Variants in NLK observed in about 807,000 individuals in gnomAD.
NLK encodes the protein serine/threonine-protein kinase NLK.
A neutral mutation model predicts 59.0 loss-of-function variants in NLK; 11 were observed. That is an observed-to-expected ratio of 0.19 (90% confidence interval 0.12 to 0.31). NLK has a LOEUF of 0.31. Ranked by LOEUF, NLK falls within the 10% of genes least tolerant of loss-of-function variation. The probability of loss-of-function intolerance (pLI) is 1.00; values close to 1 mark genes in which losing one functional copy is unlikely to be tolerated. For synonymous variants in NLK, 235 were observed against 235.9 expected, an observed-to-expected ratio of 1.00 and a Z score of 0.03; for missense variants, 410 against 661.1, an observed-to-expected ratio of 0.62 and a Z score of 4.16.
chr17:28,076,085 T>A (rs1910153953), intron 1 of NLK, among the ~76,000 whole-genome samples: 1 of 152,254 alleles, frequency 6.6e-6, no homozygotes, highest in Non-Finnish European at 1.5e-5. Context: ...ACATTTGTGA[T>A]GGCTTTAGTG....
intron 2 of NLK, among the ~76,000 whole-genome samples, chr17:28,129,057 A>G (rs1254389246): frequency 1.3e-5 from 2 of 152,218 alleles, no homozygotes; most frequent in Non-Finnish European, 2.9e-5. Flanking sequence ...TATACACAAA[A>G]GACTTCACTC....
At chr17:28,145,029 C>A (rs959760087) in intron 3 of NLK, among the ~76,000 whole-genome samples, 2 of 152,122 alleles carry the variant, frequency 1.3e-5, no homozygotes, top group African/African-American at 4.8e-5. Flanking sequence ...CTATGCCTGT[C>A]ATTATTAAGT....
In NLK at chr17:28,194,609, GC is replaced by G. The variant is rs1172656515; in HGVS notation, c.1562del (p.Pro521HisfsTer12). The G allele has an allele frequency of 3.1e-6, 5 of 1,598,868 alleles. No individual in the cohort carries two copies. Among genetic ancestry groups the G allele is most frequent in the Non-Finnish European group, 4.3e-6 (5 of 1,168,522 alleles). On this transcript the variant is annotated frameshift_variant, in exon 11 of 11. Coordinates refer to ENST00000407008, the MANE Select transcript of NLK (RefSeq NM_016231.5). LOFTEE classifies it high-confidence loss of function. ...SSTVAQPSEM[P>X]PSPLVWE ...CCACTGTTGCTCAGCCATCTGAGAT[GC>G]CCCCATCTCCTCTGGTGTGGGAGTG...
chr17:28,190,816 A>G (rs1909279021), intron 8 of NLK: 2 of 462,224 alleles, frequency 4.3e-6, no homozygotes, highest in South Asian at 1.0e-4. Flanking sequence ...TTGTGATGGT[A>G]GATAATAACA....
At chr17:28,173,139 T>G (rs1294340376) in intron 7 of NLK, among the ~76,000 whole-genome samples, 1 of 152,230 alleles carries the variant, frequency 6.6e-6, no homozygotes, top group East Asian at 1.9e-4. Flanking sequence ...AAGTCACTGC[T>G]GAGAAAGACA....
intron 7 of NLK, among the ~76,000 whole-genome samples, chr17:28,179,745 C>G (rs1424160226): frequency 6.6e-6 from 1 of 151,872 alleles, no homozygotes; most frequent in Non-Finnish European, 1.5e-5. Context: ...GAGACAGGAT[C>G]TCTCTAAGTT....
intron 8 of NLK, among the ~76,000 whole-genome samples, chr17:28,189,137 A>G (rs563252306): frequency 6.6e-6 from 1 of 152,270 alleles, no homozygotes; most frequent in Non-Finnish European, 1.5e-5. Flanking sequence ...CCCCAAGGGA[A>G]AAAAGACCCC....
chr17:28,125,871 A>C (rs1906271010), intron 2 of NLK, among the ~76,000 whole-genome samples: 1 of 152,186 alleles, frequency 6.6e-6, no homozygotes, highest in Non-Finnish European at 1.5e-5. Context: ...TAGATACTTT[A>C]CATATATTAA....
chr17:28,132,185 G>T (rs1906546430), intron 2 of NLK, among the ~76,000 whole-genome samples: 1 of 152,166 alleles, frequency 6.6e-6, no homozygotes, highest in Admixed American at 6.5e-5. Flanking sequence ...AGTCATGAGA[G>T]CAGGGATGAT....
intron 1 of NLK, among the ~76,000 whole-genome samples, chr17:28,117,800 A>G (rs1905845176): frequency 1.3e-5 from 2 of 152,200 alleles, no homozygotes; most frequent in Non-Finnish European, 2.9e-5. Context: ...ATGAGAAAAG[A>G]ACTCGGCTAA....
chr17:28,053,598 C>A (rs1308940218), intron 1 of NLK, among the ~76,000 whole-genome samples: 1 of 152,144 alleles, frequency 6.6e-6, no homozygotes, highest in African/African-American at 2.4e-5. Flanking sequence ...AGACTTCTTA[C>A]AGGGGAATGG....
intron 1 of NLK, among the ~76,000 whole-genome samples, chr17:28,112,307 G>T (rs2142805890): frequency 6.6e-6 from 1 of 152,202 alleles, no homozygotes; most frequent in South Asian, 2.1e-4. Context: ...CTGGGTGTGG[G>T]TTTTTTGCCC....
intron 7 of NLK, among the ~76,000 whole-genome samples, chr17:28,175,749 A>G (rs1270884448): frequency 6.6e-6 from 1 of 152,242 alleles, no homozygotes; most frequent in Admixed American, 6.5e-5. Flanking sequence ...AACATTTAAT[A>G]AATATTAACC....
At chr17:28,141,946 C>T (rs75539018) in intron 3 of NLK, among the ~76,000 whole-genome samples, 8,198 of 152,230 alleles carry the variant, frequency 0.054, 242 homozygotes, top group East Asian at 0.11. Flanking sequence ...TGTACATATG[C>T]ATTTGCTTTG....
At chr17:28,205,776 T>C in the NLK span, among the ~76,000 whole-genome samples, 1 of 152,182 alleles carries the variant, frequency 6.6e-6, no homozygotes, top group East Asian at 1.9e-4. Flanking sequence ...TCATGCAGTG[T>C]TTTTCTCTCT....
chr17:28,196,966 A>AT (rs1009865504), downstream of NLK, among the ~76,000 whole-genome samples: 1 of 152,016 alleles, frequency 6.6e-6, no homozygotes, highest in Admixed American at 6.6e-5. Flanking sequence ...AAATGAATGG[A>AT]TTTTTTTTCC....
chr17:28,137,333 C>G (rs1906797102), intron 3 of NLK, among the ~76,000 whole-genome samples: 1 of 152,054 alleles, frequency 6.6e-6, no homozygotes, highest in South Asian at 2.1e-4. Context: ...TTCTTTAATA[C>G]TTAGTTGAAT....
At position 28,077,073 on chromosome 17, in the gene NLK, C is replaced by CTTTTT. The variant is rs35639099; in HGVS notation, c.458+33763_458+33767dup. Reference sequence around the variant, plus strand: ...CTTTGCTTTGTACTTCTCTTTCTTTCTTTTTTTTTTTTTTTTTTTTTTTTT... The same window carrying CTTTTT: ...CTTTGCTTTGTACTTCTCTTTCTTTCTTTTTTTTTTTTTTTTTTTTTTTTTTTTTT... On this transcript the variant is annotated intron_variant, in intron 1 of 10. Coordinates refer to ENST00000407008, the MANE Select transcript of NLK (RefSeq NM_016231.5). Among the ~76,000 whole-genome samples the CTTTTT allele has an allele frequency of 4.0e-3, 168 of 42,380 alleles. 1 individual carries two copies. Among genetic ancestry groups the CTTTTT allele is most frequent in the East Asian group, 5.4e-3 (6 of 1,112 alleles). 27.8% of individuals were successfully genotyped at this position (42,380 alleles called of 152,430 possible). A position where few individuals can be genotyped will look rare whatever the true frequency, so the allele number is the denominator to read the frequency against.
chr17:28,123,348 C>T (rs1747380273), intron 2 of NLK, among the ~76,000 whole-genome samples: 2 of 152,024 alleles, frequency 1.3e-5, no homozygotes, highest in African/African-American at 4.8e-5. Context: ...TTAATAGAAA[C>T]CACAACCAAG....
Sources: allele counts gnomAD v4.1 joint callset (sites outside exome capture counted in the v4.1 genomes callset), GRCh38; gene constraint gnomAD v4.1.1; transcripts MANE v1.5; gene names NCBI Gene and HGNC (gene_info 2026-07-23, HGNC 2026-07-21).